RGS13: variants seen among roughly 807,000 people sequenced by gnomAD.
RGS13 encodes the protein regulator of G protein signaling 13, also known as regulator of G-protein signalling 13.
Under a neutral mutation model 19.9 loss-of-function variants are expected in RGS13, and 14 were observed. That is an observed-to-expected ratio of 0.70 (90% confidence interval 0.46 to 1.10). RGS13 has a LOEUF of 1.10. Ranked by LOEUF, RGS13 falls within the 50% of genes least tolerant of loss-of-function variation. RGS13 has a pLI of 0.00. For synonymous variants in RGS13, 60 were observed against 56.8 expected (o/e 1.06, Z -0.25); for missense variants, 205 against 187.1 (o/e 1.10, Z -0.56).
At chr1:192,637,237 G>T (rs1024112391) in intron 1 of RGS13, among the ~76,000 whole-genome samples, 1 of 151,640 alleles carries the variant, frequency 6.6e-6, no homozygotes, top group Non-Finnish European at 1.5e-5. Context: ...TCTATGTTTC[G>T]ATTGTAAAAG....
intron 1 of RGS13, among the ~76,000 whole-genome samples, chr1:192,637,239 T>C (rs539375856): frequency 7.5e-4 from 114 of 151,948 alleles, no homozygotes; most frequent in African/African-American, 2.3e-3. Flanking sequence ...TATGTTTCGA[T>C]TGTAAAAGTA....
chr1:192,641,254 A>AAAGAAAGAAAAGAAAGAAAG (rs1553257010), intron 3 of RGS13, among the ~76,000 whole-genome samples: 7 of 67,390 alleles, frequency 1.0e-4, no homozygotes, highest in African/African-American at 3.6e-4. Context: ...GAAAAGAAAG[A>AAAGAAAGAAAAGAAAGAAAG]AAAGAAAGAA....
chr1:192,658,867 A>C lies in RGS13; in HGVS notation c.295-471A>C, dbSNP rs182904551. The C allele has an allele frequency of 3.5e-3, 564 of 159,986 alleles. 1 individual carries two copies. Among genetic ancestry groups the C allele is most frequent in the African/African-American group, 0.013 (541 of 41,732 alleles). The allele number at this position is 159,986 out of a possible 1,614,324, so 9.9% of individuals were successfully genotyped here. A position where few individuals can be genotyped will look rare whatever the true frequency, so the allele number is the denominator to read the frequency against. ...CTCTTGTCTGGAAAATACTTGGTTT[A>C]TTGAAATAGCCACTTCTCCCCTCTA... On this transcript the variant is annotated intron_variant, in intron 6 of 6. Coordinates refer to ENST00000391995, the MANE Select transcript of RGS13 (RefSeq NM_002927.5).
chr1:192,646,704 A>T (rs1244829800), intron 4 of RGS13: 1 of 151,934 alleles, frequency 6.6e-6, no homozygotes, highest in East Asian at 1.9e-4. Flanking sequence ...CAATGTGTCC[A>T]TATGTTCTCA....
chr1:192,639,756 C>T (rs78608522), intron 3 of RGS13, among the ~76,000 whole-genome samples: 1 of 152,050 alleles, frequency 6.6e-6, no homozygotes, highest in Non-Finnish European at 1.5e-5. Flanking sequence ...AAGAGCCTGA[C>T]CTCGAGCATA....
intron 5 of RGS13, among the ~76,000 whole-genome samples, chr1:192,649,642 G>A (rs957811512): frequency 6.6e-6 from 1 of 152,030 alleles, no homozygotes; most frequent in Admixed American, 6.6e-5. Flanking sequence ...TCTAAAATTT[G>A]TCTCTAGCTA....
chr1:192,656,190 A>C (rs545658121), intron 5 of RGS13, among the ~76,000 whole-genome samples: 1 of 152,048 alleles, frequency 6.6e-6, no homozygotes, highest in Non-Finnish European at 1.5e-5. Flanking sequence ...TCATCCACTC[A>C]ACCCATCCAA....
chr1:192,654,602 T>C (rs1264754888), intron 5 of RGS13, among the ~76,000 whole-genome samples: 6 of 151,978 alleles, frequency 3.9e-5, no homozygotes. Context: ...TTTAAATTGG[T>C]TTAGAGGCAT....
intron 3 of RGS13, among the ~76,000 whole-genome samples, chr1:192,640,719 C>T (rs1246607254): frequency 3.8e-5 from 2 of 52,454 alleles, no homozygotes; most frequent in African/African-American, 6.4e-5. Context: ...TTGATCAGAC[C>T]ACATTTCTCA....
chr1:192,651,597 T>G (rs1224812268), intron 5 of RGS13, among the ~76,000 whole-genome samples: 7 of 148,594 alleles, frequency 4.7e-5, no homozygotes, highest in Non-Finnish European at 1.0e-4. Context: ...AAAGTAGGAA[T>G]GCAAAGTAGG....
intron 3 of RGS13, among the ~76,000 whole-genome samples, chr1:192,643,919 C>T (rs1307798728): frequency 1.3e-5 from 2 of 152,050 alleles, no homozygotes; most frequent in African/African-American, 4.8e-5. Context: ...TGCCACTGCA[C>T]TCCAGGCTGG....
At chr1:192,643,378 G>T (rs1319074732) in intron 3 of RGS13, among the ~76,000 whole-genome samples, 2 of 152,002 alleles carry the variant, frequency 1.3e-5, no homozygotes, top group Non-Finnish European at 2.9e-5. Context: ...TTAAAATGTG[G>T]ATTTAATGAC....
intron 3 of RGS13, among the ~76,000 whole-genome samples, chr1:192,641,252 A>AG (rs1178788119): frequency 3.5e-5 from 2 of 56,500 alleles, no homozygotes; most frequent in African/African-American, 4.9e-5. Context: ...AAGAAAAGAA[A>AG]GAAAAGAAAG....
intron 3 of RGS13, among the ~76,000 whole-genome samples, chr1:192,639,731 G>T: frequency 6.6e-6 from 1 of 152,078 alleles, no homozygotes; most frequent in Middle Eastern, 3.2e-3. Flanking sequence ...ATATGCGCAA[G>T]GTCACACAGC....
chr1:192,649,404 A>C (rs560751185), intron 5 of RGS13, among the ~76,000 whole-genome samples: 8 of 152,164 alleles, frequency 5.3e-5, no homozygotes, highest in Non-Finnish European at 8.8e-5. Context: ...CATACTCTTC[A>C]TCTACAAAAT....
At chr1:192,638,538 C>A (rs1571576416) in intron 3 of RGS13, among the ~76,000 whole-genome samples, 1 of 151,918 alleles carries the variant, frequency 6.6e-6, no homozygotes. Flanking sequence ...CAGTAGTAAT[C>A]AATAGAGAGA....
chr1:192,658,532 T>C, intron 6 of RGS13, 165 bp downstream of exon 6: 1 of 577,288 alleles, frequency 1.7e-6, no homozygotes, highest in Non-Finnish European at 2.9e-6. Flanking sequence ...CCTGAGACTC[T>C]GAGAACTTGT....
chr1:192,652,273 C>T (rs866538379), intron 5 of RGS13, among the ~76,000 whole-genome samples: 13 of 152,044 alleles, frequency 8.6e-5, no homozygotes, highest in South Asian at 2.1e-4. Context: ...CATCATGGCA[C>T]AGAGCAGGCA....
chr1:192,645,287 A>G (rs892477842), intron 4 of RGS13: 1 of 152,192 alleles, frequency 6.6e-6, no homozygotes, highest in Non-Finnish European at 1.5e-5. Flanking sequence ...CCTTTCTTCT[A>G]TCTGCCTTAT....
Sources: allele counts gnomAD v4.1 joint callset (sites outside exome capture counted in the v4.1 genomes callset), GRCh38; gene constraint gnomAD v4.1.1; transcripts MANE v1.5; gene names NCBI Gene and HGNC (gene_info 2026-07-23, HGNC 2026-07-21).